ACP1: variants seen among roughly 807,000 people sequenced by gnomAD.
ACP1 encodes acid phosphatase 1.
A neutral mutation model predicts 23.4 loss-of-function variants in ACP1; 23 were observed. That is an observed-to-expected ratio of 0.98 (90% CI 0.71 to 1.39). The LOEUF is 1.39. Among genes scored for constraint, ACP1 ranks in the 40% most tolerant of loss-of-function variants. The probability of loss-of-function intolerance (pLI) is 0.00; values close to 1 mark genes in which losing one functional copy is unlikely to be tolerated. For missense variants in ACP1, 180 were observed against 197.7 expected, an observed-to-expected ratio of 0.91 and a Z score of 0.54; for synonymous variants, 72 against 67.2, an observed-to-expected ratio of 1.07 and a Z score of -0.35.
chr2:273,936 A>C (rs982640297), intron 3 of ACP1, among the ~76,000 whole-genome samples: 4 of 152,144 alleles, frequency 2.6e-5, no homozygotes, highest in African/African-American at 9.7e-5. Context: ...GGGAGGCTCA[A>C]CATTGCTTGA....
Position 264,962 on chromosome 2 carries a change from A to G in ACP1, c.-3A>G, listed in dbSNP as rs1165671015. 1 of 1,612,170 alleles carries G rather than the reference A, an allele frequency of 6.2e-7. No homozygotes were observed. On this transcript the variant is annotated 5_prime_UTR_variant, in exon 1 of 6. Coordinates refer to ENST00000272065, the MANE Select transcript of ACP1 (RefSeq NM_004300.4). ...GTGTCTCGGCGCCTCTGCGCGCGGG[A>G]AGATGGCGGAACAGGCTACCAAGTC... is the stretch of plus-strand genomic sequence containing the variant.
intron 1 of ACP1, 179 bp downstream of exon 1, chr2:265,186 C>G: frequency 4.9e-6 from 3 of 611,262 alleles, no homozygotes; most frequent in Non-Finnish European, 8.0e-6. Context: ...GCCCCGTGCA[C>G]CCGCCCAGCC....
chr2:269,680 G>A (rs975715664), intron 1 of ACP1, among the ~76,000 whole-genome samples: 15 of 152,074 alleles, frequency 9.9e-5, no homozygotes, highest in African/African-American at 3.4e-4. Context: ...CTTCCCCAGC[G>A]CAGATCATAG....
In ACP1 at chr2:277,302, T is replaced by A. The variant is rs938882195; in HGVS notation, c.475T>A (p.Ter159ArgextTer12). 13 of 1,612,424 alleles carry A rather than the reference T, an allele frequency of 8.1e-6. No homozygotes were observed. The highest frequency in any genetic ancestry group is 1.1e-5 in the Non-Finnish European group (13 of 1,180,004). Residue 159 changes from the stop codon to arginine, a stop_lost, in exon 6 of 6, where the codon TGA becomes AGA. Transcript: ENST00000272065. The stretch of plus-strand genomic sequence containing the variant: ...CAGAGCGTTCTTGGAGAAGGCCCAC[T>A]GAGGCAGGTTCGTGCCCTGCTGCGG... ...CCRAFLEKAH[*>R]
At chr2:272,232 G>A (rs763912438) in intron 3 of ACP1, 82 bp downstream of exon 3, 1 of 1,614,152 alleles carries the variant, frequency 6.2e-7, no homozygotes, top group Non-Finnish European at 8.5e-7. Flanking sequence ...TGGAACGTGG[G>A]CCGGTCCCCA....
At chr2:276,870 G>C in intron 4 of ACP1, 110 bp from the exon 5 acceptor site, 3 of 682,072 alleles carry the variant, frequency 4.4e-6, no homozygotes, top group East Asian at 5.4e-5. Context: ...TTTCAAATTA[G>C]GTCATTCTGT....
At position 276,905 on chromosome 2, in the gene ACP1, G is replaced by T. The variant is rs2103076857; in HGVS notation, c.294-75G>T. ...TCTTGATTTTGATATGGATGTTTCAGAACACCCTAGCAGATGTCCCTGTTT... is the reference window on the plus strand; with the variant it reads ...TCTTGATTTTGATATGGATGTTTCATAACACCCTAGCAGATGTCCCTGTTT... On this transcript the variant is annotated intron_variant, in intron 4 of 5. Transcript: ENST00000272065. 3 of 872,058 alleles carry T rather than the reference G, an allele frequency of 3.4e-6. No homozygotes were observed. The South Asian group carries it at 4.9e-5, about 14-fold the overall frequency. The allele number at this position is 872,058 out of a possible 1,614,324, so 54.0% of individuals were successfully genotyped here.
intron 1 of ACP1, 66 bp from the exon 2 acceptor site, chr2:271,800 G>C (rs1237408715): frequency 8.6e-6 from 11 of 1,273,044 alleles, no homozygotes; most frequent in South Asian, 1.2e-5. Flanking sequence ...GTGTAAAGAA[G>C]GGGAGCTGGC....
chr2:275,247 C>A, intron 4 of ACP1, 46 bp downstream of exon 4: 1 of 1,092,080 alleles, frequency 9.2e-7, no homozygotes. Flanking sequence ...CTCAGTTCAG[C>A]AGTGGGCCAA....
intron 1 of ACP1, among the ~76,000 whole-genome samples, chr2:268,879 C>G (rs369558805): frequency 1.2e-4 from 19 of 152,318 alleles, no homozygotes; most frequent in African/African-American, 4.6e-4. Context: ...TCGAAATCAA[C>G]AGGGCAAGCT....
intron 5 of ACP1, 56 bp from the exon 6 acceptor site, chr2:277,171 A>G: frequency 6.3e-7 from 1 of 1,594,870 alleles, no homozygotes; most frequent in Admixed American, 1.7e-5. Context: ...AGATTGTGTT[A>G]AGGATGTTTT....
rs1302719693 is a variant in ACP1, at chr2:265,147, G to C, written c.43+140G>C. 5 of 955,758 alleles carry C rather than the reference G, an allele frequency of 5.2e-6. No individual in the cohort carries two copies. The Admixed American group carries it at 9.5e-5, about 18-fold the overall frequency. 59.2% of individuals were successfully genotyped at this position (955,758 alleles called of 1,614,324 possible). A position where few individuals can be genotyped will look rare whatever the true frequency, so the allele number is the denominator to read the frequency against. ...CTGGGAGGCCTAGGGTGTTCTAGGA[G>C]TGTGCCGCAGCGCCCCTGTTCCCCA... On this transcript the variant is annotated intron_variant, in intron 1 of 5. Transcript: ENST00000272065.
chr2:276,054 C>G (rs1292712354), intron 4 of ACP1, among the ~76,000 whole-genome samples: 2 of 152,006 alleles, frequency 1.3e-5, no homozygotes, highest in East Asian at 3.9e-4. Flanking sequence ...GTAAAAACAC[C>G]TTTTTAGGAG....
At chr2:265,496 G>A (rs1055486428) in intron 1 of ACP1, among the ~76,000 whole-genome samples, 3 of 152,210 alleles carry the variant, frequency 2.0e-5, no homozygotes, top group South Asian at 2.1e-4. Flanking sequence ...TAAAAGCCAA[G>A]CAAAGGAGAC....
rs1670225844 is a variant in ACP1 at position 278,054 on chromosome 2, A to G, written c.*750A>G. 1 of 152,254 alleles carries G rather than the reference A, an allele frequency of 6.6e-6. No individual in the cohort carries two copies. Among genetic ancestry groups the G allele is most frequent in the African/African-American group, 2.4e-5 (1 of 41,474 alleles). The allele number at this position is 152,254 out of a possible 1,614,324, so 9.4% of individuals were successfully genotyped here. A position where few individuals can be genotyped will look rare whatever the true frequency, so the allele number is the denominator to read the frequency against. The stretch of plus-strand genomic sequence containing the variant: ...GGAATATGACTGTTTTTATATGCAC[A>G]TGTAACCCAAATGTCCAATATAAAT... On this transcript the variant is annotated 3_prime_UTR_variant, in exon 6 of 6. Transcript: ENST00000272065.
At chr2:269,905 A>G (rs979149454) in intron 1 of ACP1, among the ~76,000 whole-genome samples, 2 of 152,156 alleles carry the variant, frequency 1.3e-5, no homozygotes, top group Non-Finnish European at 2.9e-5. Flanking sequence ...TTGGTCATCT[A>G]AGCATCAAAA....
intron 4 of ACP1, among the ~76,000 whole-genome samples, chr2:276,384 T>C (rs987900238): frequency 6.6e-6 from 1 of 152,240 alleles, no homozygotes; most frequent in African/African-American, 2.4e-5. Context: ...ATAAAGCACG[T>C]ACCTGACTCA....
chr2:271,248 A>G (rs1337516915), intron 1 of ACP1, among the ~76,000 whole-genome samples: 3 of 152,224 alleles, frequency 2.0e-5, no homozygotes, highest in East Asian at 3.9e-4. Context: ...CTTCAGCCAC[A>G]GGGGTTTGAA....
At position 264,983 on chromosome 2, in the gene ACP1, A is replaced by G. The variant is rs778962336; in HGVS notation, c.19A>G (p.Lys7Glu). 2.5e-6 allele frequency: 4 copies of G among 1,612,648 alleles called. No individual in the cohort carries two copies. The highest frequency in any genetic ancestry group is 3.3e-5 in the Admixed American group (2 of 59,918). Residue 7 changes from lysine to glutamate, a missense_variant, in exon 1 of 6, where the codon AAG (lysine) becomes GAG (glutamate). This residue lies in a region of ACP1 where 132 missense variants were observed against 124.1 expected (regional missense o/e 1.06). Coordinates refer to ENST00000272065, the MANE Select transcript of ACP1 (RefSeq NM_004300.4). The stretch of plus-strand genomic sequence containing the variant: ...CGGGAAGATGGCGGAACAGGCTACC[A>G]AGTCCGTGCTGTTTGTGTGTCTGGG... MAEQAT[K>E]SVLFVCLGNI...
Sources: gnomAD v4.1 joint callset for allele counts (sites outside exome capture counted in the v4.1 genomes callset) on GRCh38, gnomAD v4.1.1 for gene constraint, gnomAD v4.1.1 regional missense constraint, MANE v1.5 for transcripts, NCBI Gene and HGNC (gene_info 2026-07-23, HGNC 2026-07-21) for gene names.